Variants in MFSD1 observed in about 807,000 individuals in gnomAD.
MFSD1 encodes the protein major facilitator superfamily domain containing 1.
A neutral mutation model predicts 67.1 loss-of-function variants in MFSD1; 59 were observed. That is an observed-to-expected ratio of 0.88 (90% CI 0.71 to 1.09). MFSD1 has a LOEUF of 1.09. Ranked by LOEUF, MFSD1 falls within the 50% of genes least tolerant of loss-of-function variation. The probability of loss-of-function intolerance (pLI) is 0.00; values close to 1 mark genes in which losing one functional copy is unlikely to be tolerated. For missense variants in MFSD1, 552 were observed against 566.1 expected, an observed-to-expected ratio of 0.97 and a Z score of 0.25; for synonymous variants, 213 against 200.3, an observed-to-expected ratio of 1.06 and a Z score of -0.54.
intron 14 of MFSD1, among the ~76,000 whole-genome samples, chr3:158,826,991 T>C (rs1044892512): frequency 2.6e-5 from 4 of 152,176 alleles, no homozygotes; most frequent in Non-Finnish European, 5.9e-5. Context: ...TTCACTATTA[T>C]TGAATATTAA....
At chr3:158,820,056 A>G (rs978170591) in intron 8 of MFSD1, among the ~76,000 whole-genome samples, 159 bp from the exon 9 acceptor site, 4 of 152,154 alleles carry the variant, frequency 2.6e-5, no homozygotes, top group African/African-American at 9.7e-5. Context: ...TTTGTAAGTT[A>G]TCCCAGAAAT....
At chr3:158,813,133 G>T in intron 6 of MFSD1, among the ~76,000 whole-genome samples, 1 of 148,896 alleles carries the variant, frequency 6.7e-6, no homozygotes, top group African/African-American at 2.5e-5. Flanking sequence ...AAGTAAGTTG[G>T]ATATTTTTAT....
At chr3:158,812,501 T>C (rs1384249219) in intron 6 of MFSD1, among the ~76,000 whole-genome samples, 1 of 152,166 alleles carries the variant, frequency 6.6e-6, no homozygotes, top group Admixed American at 6.5e-5. Context: ...AAGAAGCCCC[T>C]GAGATTCCCT....
chr3:158,803,190 G>A (rs1559913482), intron 1 of MFSD1, among the ~76,000 whole-genome samples: 1 of 152,112 alleles, frequency 6.6e-6, no homozygotes, highest in Non-Finnish European at 1.5e-5. Context: ...AATTTATTAA[G>A]CAAAATTCTA....
In MFSD1 at chr3:158,824,184, G is replaced by A; in HGVS notation, c.1236G>A (p.Leu412=). ...TTTCCATCATTGCTGGTATGATACT[G>A]GATTCTCGGGGGTATTTGTTTTTGG... ...AIISIIAGMI[L]DSRGYLFLEV... The change falls in exon 13 of 16, where the codon CTG becomes CTA. Residue 412 remains leucine (L), a synonymous_variant. Transcript: ENST00000415822. 1 of 1,613,202 alleles carries A rather than the reference G, an allele frequency of 6.2e-7. No homozygotes were observed. The highest frequency in any genetic ancestry group is 8.5e-7 in the Non-Finnish European group (1 of 1,179,688).
At chr3:158,823,190 A>G (rs906948450) in intron 11 of MFSD1, 2 of 469,736 alleles carry the variant, frequency 4.3e-6, no homozygotes, top group Non-Finnish European at 7.7e-6. Flanking sequence ...TTACATATGC[A>G]TATAATATGA....
intron 1 of MFSD1, 44 bp from the exon 2 acceptor site, chr3:158,804,275 A>T: frequency 7.0e-7 from 1 of 1,434,288 alleles, no homozygotes; most frequent in Non-Finnish European, 9.6e-7. Context: ...TGAAACTTTT[A>T]TATGGGAAGT....
intron 7 of MFSD1, among the ~76,000 whole-genome samples, chr3:158,816,040 A>G (rs1279022351): frequency 1.3e-5 from 2 of 151,904 alleles, no homozygotes; most frequent in Non-Finnish European, 2.9e-5. Flanking sequence ...CATTTTCTTA[A>G]TCCAGTCTAT....
At chr3:158,825,066 A>G (rs1730893627) in intron 13 of MFSD1, 1 of 152,228 alleles carries the variant, frequency 6.6e-6, no homozygotes, top group African/African-American at 2.4e-5. Context: ...TTGTTGCAGC[A>G]TGTGGTTAAA....
intron 7 of MFSD1, among the ~76,000 whole-genome samples, chr3:158,818,518 T>C (rs1730497684): frequency 6.6e-6 from 1 of 152,098 alleles, no homozygotes; most frequent in Admixed American, 6.6e-5. Context: ...TCCAATCTCC[T>C]CCCCAGTCTC....
rs147447476 is a variant in MFSD1 at position 158,814,048 on chromosome 3, C to T, written c.633C>T (p.Leu211=). ...ALLGSAGHTT[L]GITLMIGGIT... ...TAGGTTCTGCTGGTCACACAACCCT[C>T]GGGATCACACTTATGATTGGTGAGT... Residue 211 remains leucine (L), a synonymous_variant, in exon 7 of 16, where the codon CTC becomes CTT. Coordinates refer to ENST00000415822, the MANE Select transcript of MFSD1 (RefSeq NM_022736.4). 2.7e-5 allele frequency: 43 copies of T among 1,613,282 alleles called. No homozygotes were observed. Among genetic ancestry groups the T allele is most frequent in the East Asian group, 8.9e-5 (4 of 44,834 alleles).
intron 15 of MFSD1, 117 bp from the exon 16 acceptor site, chr3:158,828,862 G>A (rs954080550): frequency 2.5e-5 from 23 of 904,450 alleles, no homozygotes; most frequent in Non-Finnish European, 3.1e-5. Flanking sequence ...GAAAAAAAAT[G>A]TGTAGCTTAG....
At chr3:158,811,163 A>G (rs1180179618) in intron 6 of MFSD1, among the ~76,000 whole-genome samples, 1 of 152,204 alleles carries the variant, frequency 6.6e-6, no homozygotes, top group South Asian at 2.1e-4. Context: ...GAAAATATGT[A>G]GAGTGTGGGG....
intron 5 of MFSD1, 153 bp from the exon 6 acceptor site, chr3:158,809,026 A>G: frequency 1.9e-6 from 1 of 528,766 alleles, no homozygotes; most frequent in Non-Finnish European, 3.3e-6. Context: ...TATTGGTTGA[A>G]GTAGTCACAA....
Position 158,807,217 on chromosome 3 carries a change from A to T in MFSD1, c.372+135A>T, listed in dbSNP as rs1000011986. On this transcript the variant is annotated intron_variant, in intron 4 of 15. Coordinates refer to ENST00000415822, the MANE Select transcript of MFSD1 (RefSeq NM_022736.4). ...GAACCCATAAATGCCCATGTGATAT[A>T]ATCCATAGTCTATTTTAAGCCTTGA... 3 of 959,442 alleles carry T rather than the reference A, an allele frequency of 3.1e-6. No individual in the cohort carries two copies. The African/African-American group carries it at 5.0e-5, about 16-fold the overall frequency. The allele number at this position is 959,442 out of a possible 1,614,324, so 59.4% of individuals were successfully genotyped here. A position where few individuals can be genotyped will look rare whatever the true frequency, so the allele number is the denominator to read the frequency against.
intron 1 of MFSD1, among the ~76,000 whole-genome samples, chr3:158,803,941 A>C (rs1006820974): frequency 2.0e-5 from 3 of 152,192 alleles, no homozygotes; most frequent in Non-Finnish European, 2.9e-5. Context: ...TTATTAGGAA[A>C]CTGATGAGGT....
chr3:158,817,905 A>G (rs1387718104), intron 7 of MFSD1, among the ~76,000 whole-genome samples: 2 of 152,190 alleles, frequency 1.3e-5, no homozygotes, highest in Non-Finnish European at 2.9e-5. Context: ...GTGTCTTTTA[A>G]GGAAATTATC....
chr3:158,802,569 T>C (rs534353171), intron 1 of MFSD1: 1 of 697,010 alleles, frequency 1.4e-6, no homozygotes, highest in Admixed American at 2.0e-5. Context: ...TGCTCTTCAG[T>C]AAGTCCCAGG....
At chr3:158,806,868 G>A (rs1729752394) in intron 3 of MFSD1, among the ~76,000 whole-genome samples, 172 bp from the exon 4 acceptor site, 1 of 152,088 alleles carries the variant, frequency 6.6e-6, no homozygotes, top group South Asian at 2.1e-4. Context: ...GGCTTCAGAG[G>A]GAGATGAGCC....
Sources: gnomAD v4.1 joint callset for allele counts (sites outside exome capture counted in the v4.1 genomes callset) on GRCh38, gnomAD v4.1.1 for gene constraint, MANE v1.5 for transcripts, NCBI Gene and HGNC (gene_info 2026-07-23, HGNC 2026-07-21) for gene names.